Variants in ZNF420 observed in about 807,000 individuals in gnomAD.
ZNF420 encodes ATM and p53-associated KZNF protein.
A neutral mutation model predicts 44.7 loss-of-function variants in ZNF420; 31 were observed. The ratio of observed to expected loss-of-function variants is 0.69; its 90% CI spans 0.52 to 0.94. The LOEUF (loss-of-function observed/expected upper bound fraction) is 0.94, where lower values mean the gene tolerates loss of function less well. Ranked by LOEUF, ZNF420 falls within the 40% of genes least tolerant of loss-of-function variation. The pLI, the probability that ZNF420 is intolerant of heterozygous loss-of-function variation, is 0.00. For missense variants in ZNF420, 681 were observed against 827.9 expected (o/e 0.82, Z 2.18); for synonymous variants, 245 against 267.4 (o/e 0.92, Z 0.82).
chr19:37,127,765 G>A lies in ZNF420; in HGVS notation c.774G>A (p.Lys258=), dbSNP rs780491068. The A allele has an allele frequency of 6.2e-7, 1 of 1,613,888 alleles. No homozygotes were observed. Among genetic ancestry groups the A allele is most frequent in the Non-Finnish European group, 8.5e-7 (1 of 1,179,922 alleles). The change falls in exon 5 of 5, where the codon AAG becomes AAA. Residue 258 remains lysine (K), a synonymous_variant. Coordinates refer to ENST00000337995, the MANE Select transcript of ZNF420 (RefSeq NM_144689.5). The part of the protein sequence containing the change: ...EKPYECKECG[K]AFTQNSQLTL... ...CTTATGAATGTAAAGAATGTGGGAA[G>A]GCCTTTACTCAGAATTCACAACTTA...
intron 4 of ZNF420, among the ~76,000 whole-genome samples, chr19:37,110,055 C>T (rs1474125782): frequency 6.6e-6 from 1 of 152,144 alleles, no homozygotes; most frequent in Non-Finnish European, 1.5e-5. Flanking sequence ...GAAAGCTTTA[C>T]TACAGTATCC....
intron 4 of ZNF420, among the ~76,000 whole-genome samples, chr19:37,101,329 T>C (rs1009475056): frequency 6.6e-6 from 1 of 152,132 alleles, no homozygotes; most frequent in Non-Finnish European, 1.5e-5. Context: ...ACCCCATTTC[T>C]ACTAAAAATA....
At chr19:37,108,365 T>C (rs1970209726) in intron 4 of ZNF420, 2 of 152,216 alleles carry the variant, frequency 1.3e-5, no homozygotes, top group Non-Finnish European at 2.9e-5. Flanking sequence ...CTTCCCTTGC[T>C]CTCACTAGCA....
chr19:37,115,075 G>C (rs755634861), intron 4 of ZNF420: 1 of 164,480 alleles, frequency 6.1e-6, no homozygotes, highest in African/African-American at 2.4e-5. Context: ...TCTTCTGAGC[G>C]CACAAGTTTA....
intron 2 of ZNF420, among the ~76,000 whole-genome samples, chr19:37,082,127 T>C (rs1968499379): frequency 6.6e-6 from 1 of 152,198 alleles, no homozygotes; most frequent in Admixed American, 6.5e-5. Context: ...ATTGGGTTTG[T>C]GTTTTTATTC....
At chr19:37,013,425 G>C (rs753291626) in intron 1 of ZNF420, among the ~76,000 whole-genome samples, 3 of 152,184 alleles carry the variant, frequency 2.0e-5, no homozygotes, top group Non-Finnish European at 4.4e-5. Flanking sequence ...CTCCGTGGCA[G>C]TGCATCCGTG....
chr19:37,071,599 G>A (rs563519274), intron 1 of ZNF420, among the ~76,000 whole-genome samples: 3 of 152,202 alleles, frequency 2.0e-5, no homozygotes, highest in South Asian at 2.1e-4. Context: ...TCAGGAGTTC[G>A]ATACCAGCCT....
intron 4 of ZNF420, among the ~76,000 whole-genome samples, chr19:37,103,491 A>G (rs960601578): frequency 4.6e-5 from 7 of 152,186 alleles, no homozygotes; most frequent in Non-Finnish European, 7.3e-5. Context: ...TGTTGGTTAC[A>G]TAATGGTCAT....
intron 4 of ZNF420, among the ~76,000 whole-genome samples, chr19:37,125,196 G>A (rs1463824002): frequency 2.0e-5 from 3 of 152,216 alleles, no homozygotes; most frequent in East Asian, 1.9e-4. Context: ...CTTTCATTAC[G>A]TTATAGACCT....
At chr19:37,035,664 T>G (rs926850844) in intron 1 of ZNF420, among the ~76,000 whole-genome samples, 1 of 152,240 alleles carries the variant, frequency 6.6e-6, no homozygotes, top group African/African-American at 2.4e-5. Context: ...GTCAGGTTAC[T>G]TCCTCCACAT....
chr19:37,057,167 C>T (rs545967787), intron 1 of ZNF420, among the ~76,000 whole-genome samples: 2 of 152,318 alleles, frequency 1.3e-5, no homozygotes, highest in East Asian at 3.9e-4. Flanking sequence ...GGAAGGTCTC[C>T]GGATGCCAGG....
chr19:37,127,486 A>C lies in ZNF420; in HGVS notation c.495A>C (p.Lys165Asn). 6.2e-7 allele frequency: 1 copy of C among 1,613,972 alleles called. No individual in the cohort carries two copies. Among genetic ancestry groups the C allele is most frequent in the Non-Finnish European group, 8.5e-7 (1 of 1,179,924 alleles). ...ATCAAAGTATTCATACTGGTGAAAA[A>C]CCCTATGAATGTAAGCAATGCGGGA... Reference protein sequence around the residue: ...TQHQSIHTGEKPYECKQCGKA... With the variant: ...TQHQSIHTGENPYECKQCGKA... The change falls in exon 5 of 5, where the codon AAA (lysine) becomes AAC (asparagine). Residue 165 changes from lysine (K) to asparagine (N), a missense_variant. Lys to Asn is a moderately conservative substitution (Grantham distance 94, BLOSUM62 0). Around this residue, in one of 3 missense-constraint regions of ZNF420, gnomAD observed 350 missense variants for 382.5 expected, o/e 0.92. Transcript: ENST00000337995.
intron 1 of ZNF420, 50 bp downstream of exon 1, chr19:37,078,620 T>C (rs1486956920): frequency 6.6e-6 from 1 of 152,386 alleles, no homozygotes; most frequent in African/African-American, 2.4e-5. Context: ...AAAGCGTCGC[T>C]GGGGTTACTC....
Position 37,127,156 on chromosome 19 carries a change from C to T in ZNF420, c.165C>T (p.Asp55=), listed in dbSNP as rs756659697. ...TGCCTTCAAGGTGTGCAAGTAAGGACTTATCTCCAGAAAAGAACACTTATG... is the reference window on the plus strand; with the variant it reads ...TGCCTTCAAGGTGTGCAAGTAAGGATTTATCTCCAGAAAAGAACACTTATG... ...LDLPSRCASK[D]LSPEKNTYET... Residue 55 remains aspartate, a synonymous_variant, in exon 5 of 5, where the codon GAC becomes GAT. Coordinates refer to ENST00000337995, the MANE Select transcript of ZNF420 (RefSeq NM_144689.5). 2.6e-6 allele frequency: 4 copies of T among 1,537,666 alleles called. No homozygotes were observed. In the South Asian group the frequency reaches 3.9e-5, roughly 15 times the overall value.
chr19:37,088,999 C>A (rs957588145), intron 2 of ZNF420, 40 bp from the exon 3 acceptor site: 15 of 882,294 alleles, frequency 1.7e-5, no homozygotes, highest in African/African-American at 1.5e-4. Context: ...TGTTACTTTG[C>A]AAAACACCTG....
At chr19:37,035,835 A>G (rs553120492) in intron 1 of ZNF420, among the ~76,000 whole-genome samples, 2 of 152,340 alleles carry the variant, frequency 1.3e-5, no homozygotes, top group South Asian at 4.1e-4. Flanking sequence ...AATCATAATC[A>G]TAAAAATATA....
intron 1 of ZNF420, among the ~76,000 whole-genome samples, chr19:37,063,375 G>C (rs1160989452): frequency 6.6e-6 from 1 of 152,124 alleles, no homozygotes; most frequent in African/African-American, 2.4e-5. Flanking sequence ...CCCAGGCATT[G>C]TGAAGACCCG....
chr19:37,081,460 G>A (rs1192206447), intron 2 of ZNF420, among the ~76,000 whole-genome samples: 1 of 149,938 alleles, frequency 6.7e-6, no homozygotes, highest in South Asian at 2.1e-4. Context: ...GTTTTTATTT[G>A]TTGGATTTTT....
At chr19:37,026,956 A>G (rs1436025240) in intron 1 of ZNF420, among the ~76,000 whole-genome samples, 1 of 152,220 alleles carries the variant, frequency 6.6e-6, no homozygotes, top group Non-Finnish European at 1.5e-5. Context: ...GCCAAAACCT[A>G]CGATCTCTGA....
Sources: allele counts gnomAD v4.1 joint callset (sites outside exome capture counted in the v4.1 genomes callset), GRCh38; gene constraint gnomAD v4.1.1; regional missense constraint gnomAD v4.1.1; transcripts MANE v1.5; gene names NCBI Gene and HGNC (gene_info 2026-07-23, HGNC 2026-07-21).